ARMC9: variants seen among roughly 807,000 people sequenced by gnomAD.
The protein encoded by ARMC9 is armadillo repeat containing 9, also known as lisH domain-containing protein ARMC9.
Under a neutral mutation model 107.0 loss-of-function variants are expected in ARMC9, and 94 were observed. The observed-to-expected ratio is 0.88, with a 90% confidence interval of 0.74 to 1.04. The LOEUF is 1.04. Ranked by LOEUF, ARMC9 falls within the 50% of genes least tolerant of loss-of-function variation. The probability of loss-of-function intolerance (pLI) is 0.00; values close to 1 mark genes in which losing one functional copy is unlikely to be tolerated. For missense variants in ARMC9, 942 were observed against 1,030.1 expected (o/e 0.91, Z 1.17); for synonymous variants, 380 against 396.9 (o/e 0.96, Z 0.51).
Position 231,329,123 on chromosome 2 carries a change from C to T in ARMC9, c.1774-2670C>T, listed in dbSNP as rs946804888. On this transcript the variant is annotated intron_variant, in intron 19 of 24. Coordinates refer to ENST00000611582, the MANE Select transcript of ARMC9 (RefSeq NM_001352754.2). The stretch of plus-strand genomic sequence containing the variant: ...GGCGTGAGCCACCGCGCCCGGCCAA[C>T]GTGTTTAATTTTCTTTGCCCTTTCC... Among the ~76,000 whole-genome samples the T allele has an allele frequency of 6.0e-5, 9 of 149,222 alleles. No individual in the cohort carries two copies. In the South Asian group the frequency reaches 1.3e-3, roughly 21 times the overall value.
At chr2:231,337,469 GTTTTTTTTTTT>G (rs1172469791) in intron 20 of ARMC9, among the ~76,000 whole-genome samples, 2 of 99,536 alleles carry the variant, frequency 2.0e-5, no homozygotes, top group African/African-American at 8.9e-5. Context: ...GCTAATTTTT[GTTTTTTTTTTT>G]TTTTTTTGAG....
chr2:231,363,625 G>A (rs1246578163), intron 23 of ARMC9, among the ~76,000 whole-genome samples: 1 of 152,118 alleles, frequency 6.6e-6, no homozygotes, highest in Non-Finnish European at 1.5e-5. Context: ...AGTGGCTCAC[G>A]CCTGTAATCC....
At chr2:231,225,427 T>G (rs1024021493) in intron 6 of ARMC9, among the ~76,000 whole-genome samples, 2 of 152,198 alleles carry the variant, frequency 1.3e-5, no homozygotes, top group African/African-American at 2.4e-5. Context: ...ATAGTAACAT[T>G]ATTCATAATA....
intron 1 of ARMC9, among the ~76,000 whole-genome samples, chr2:231,202,971 A>C (rs1235102231): frequency 2.0e-5 from 3 of 152,200 alleles, no homozygotes; most frequent in Non-Finnish European, 4.4e-5. Flanking sequence ...CTCCCAGATA[A>C]GCACAACAGA....
chr2:231,343,210 G>T (rs2044623953), intron 20 of ARMC9, among the ~76,000 whole-genome samples: 1 of 151,752 alleles, frequency 6.6e-6, no homozygotes, highest in African/African-American at 2.4e-5. Context: ...ACTGTACCCG[G>T]ACCAGGGCAG....
chr2:231,256,429 G>A, intron 9 of ARMC9, 157 bp from the exon 10 acceptor site: 1 of 1,148,692 alleles, frequency 8.7e-7, no homozygotes, highest in South Asian at 1.4e-5. Flanking sequence ...TTTAAATAAA[G>A]CGTTTGTGTT....
At chr2:231,337,272 A>ATG (rs2044162487) in intron 20 of ARMC9, among the ~76,000 whole-genome samples, 1 of 63,610 alleles carries the variant, frequency 1.6e-5, no homozygotes, top group African/African-American at 6.0e-5. Flanking sequence ...GTGTGTGTGT[A>ATG]TATATATATA....
chr2:231,235,128 T>C, intron 7 of ARMC9, 96 bp from the exon 8 acceptor site: 1 of 1,323,982 alleles, frequency 7.6e-7, no homozygotes, highest in Non-Finnish European at 1.0e-6. Flanking sequence ...CAAGAAAACA[T>C]TCTGGCAATA....
At chr2:231,325,542 C>T (rs539515406) in intron 19 of ARMC9, among the ~76,000 whole-genome samples, 1 of 152,260 alleles carries the variant, frequency 6.6e-6, no homozygotes, top group South Asian at 2.1e-4. Context: ...CCAGCTGGGG[C>T]CTCTGAGGCT....
rs771681214 is a variant in ARMC9 at position 231,297,287 on chromosome 2, T to G, written c.1773+1034T>G. Among the ~76,000 whole-genome samples the G allele has an allele frequency of 7.2e-5, 11 of 152,168 alleles. No homozygotes were observed. Among genetic ancestry groups the G allele is most frequent in the Non-Finnish European group, 1.6e-4 (11 of 68,008 alleles). ...AGCAGTGCAGAGCTTGACCTCCAGA[T>G]AGGGGTCCTGGCCCCTATCATCTTC... On this transcript the variant is annotated intron_variant, in intron 19 of 24. Transcript: ENST00000611582. This position sits in a 1 kb window ranked among gnomAD's most constrained non-coding sequence, Gnocchi z 4.2.
At chr2:231,207,398 G>C (rs552796506) in intron 2 of ARMC9, among the ~76,000 whole-genome samples, 1 of 151,762 alleles carries the variant, frequency 6.6e-6, no homozygotes, top group Non-Finnish European at 1.5e-5. Flanking sequence ...AGGCTCAAGC[G>C]ATCCTCCTAC....
At chr2:231,242,031 C>T (rs2036346785) in intron 9 of ARMC9, among the ~76,000 whole-genome samples, 1 of 152,136 alleles carries the variant, frequency 6.6e-6, no homozygotes, top group Admixed American at 6.5e-5. Flanking sequence ...AAAACAAACA[C>T]CCACAAGTCC....
chr2:231,283,005 A>G (rs2040325975), intron 17 of ARMC9, among the ~76,000 whole-genome samples: 1 of 152,184 alleles, frequency 6.6e-6, no homozygotes, highest in Non-Finnish European at 1.5e-5. Context: ...AATGGAGGTA[A>G]CATTCAGTCA....
At chr2:231,312,376 T>TG (rs2042403075) in intron 19 of ARMC9, among the ~76,000 whole-genome samples, 1 of 152,224 alleles carries the variant, frequency 6.6e-6, no homozygotes, top group East Asian at 1.9e-4. Context: ...TTCTGCCAAA[T>TG]TCTACTGTCA....
intron 8 of ARMC9, among the ~76,000 whole-genome samples, chr2:231,235,843 TGTTG>T (rs2035659810): frequency 6.6e-6 from 1 of 152,254 alleles, no homozygotes; most frequent in Non-Finnish European, 1.5e-5. Context: ...GGTTTCTCCA[TGTTG>T]GTCAGGCTGG....
At chr2:231,227,592 G>A (rs1263116141) in intron 7 of ARMC9, among the ~76,000 whole-genome samples, 1 of 152,200 alleles carries the variant, frequency 6.6e-6, no homozygotes, top group Admixed American at 6.5e-5. Flanking sequence ...AGAACTCCCT[G>A]CCATTGCTTT....
At chr2:231,288,001 C>T (rs1234651916) in intron 17 of ARMC9, among the ~76,000 whole-genome samples, 1 of 152,192 alleles carries the variant, frequency 6.6e-6, no homozygotes, top group African/African-American at 2.4e-5. Flanking sequence ...TCGTGTTCCA[C>T]CACTTCCTAG....
chr2:231,272,969 G>A lies in ARMC9; in HGVS notation c.1225G>A (p.Ala409Thr), dbSNP rs1456513830. 12 of 1,613,832 alleles carry A rather than the reference G, an allele frequency of 7.4e-6. No individual in the cohort carries two copies. The highest frequency in any genetic ancestry group is 8.5e-6 in the Non-Finnish European group (10 of 1,179,856). Residue 409 changes from alanine (A) to threonine (T), a missense_variant, in exon 14 of 25, where the codon GCC becomes ACC. Coordinates refer to ENST00000611582, the MANE Select transcript of ARMC9 (RefSeq NM_001352754.2). ...TGTATTATCAGGTCGCCTCTACCTT[G>A]CCCAGAACACAAAGGTGCTGCAGAT... is the stretch of plus-strand genomic sequence containing the variant. ...ASLAEGRLYL[A>T]QNTKVLQMLE...
At chr2:231,257,802 CTA>C (rs1220716967) in intron 10 of ARMC9, among the ~76,000 whole-genome samples, 4 of 152,178 alleles carry the variant, frequency 2.6e-5, no homozygotes, top group Non-Finnish European at 5.9e-5. Flanking sequence ...AATTAGGAAA[CTA>C]TCATTGATAC....
Sources: gnomAD v4.1 joint callset for allele counts (sites outside exome capture counted in the v4.1 genomes callset) on GRCh38, gnomAD v4.1.1 for gene constraint, Gnocchi (gnomAD v3.1) non-coding constraint, MANE v1.5 for transcripts, NCBI Gene and HGNC (gene_info 2026-07-23, HGNC 2026-07-21) for gene names.